Variants in CCDC88C observed in about 807,000 individuals in gnomAD.
CCDC88C encodes the protein coiled-coil and HOOK domain protein 88C.
CCDC88C carries 131 observed loss-of-function variants against 198.8 expected under a neutral mutation model. That is an observed-to-expected ratio of 0.66 (90% CI 0.57 to 0.76). The LOEUF is 0.76. Ranked by LOEUF, CCDC88C falls within the 30% of genes least tolerant of loss-of-function variation. The pLI is 0.00. For synonymous variants in CCDC88C, 1,166 were observed against 1,114.7 expected (o/e 1.05, Z -0.92); for missense variants, 2,553 against 2,631.6 (o/e 0.97, Z 0.65).
chr14:91,391,313 T>TA (rs1004898811), intron 3 of CCDC88C, among the ~76,000 whole-genome samples: 1 of 151,604 alleles, frequency 6.6e-6, no homozygotes, highest in East Asian at 1.9e-4. Flanking sequence ...ATGCATAACC[T>TA]AAAAAAAAGC....
intron 3 of CCDC88C, among the ~76,000 whole-genome samples, chr14:91,386,135 T>C (rs1056362474): frequency 6.6e-6 from 1 of 151,866 alleles, no homozygotes; most frequent in Non-Finnish European, 1.5e-5. Flanking sequence ...CTTTCTATGA[T>C]GAGCCAACAA....
chr14:91,318,157 C>T (rs957779526), intron 13 of CCDC88C, among the ~76,000 whole-genome samples: 3 of 152,184 alleles, frequency 2.0e-5, no homozygotes, highest in African/African-American at 4.8e-5. Flanking sequence ...CAGTGGCTCA[C>T]ACCTGTGCTC....
At position 91,279,282 on chromosome 14, in the gene CCDC88C, C is replaced by T. The variant is rs1352972452; in HGVS notation, c.4724G>A (p.Ser1575Asn). ...GCTGTTGCTGGATGTGTTTCTACTG[C>T]TCTCTAAGCTACTTGGCCGCGACAC... Reference protein sequence around the residue: ...QYVSRPSSLESSRNTSSNSSP... With the variant: ...QYVSRPSSLENSRNTSSNSSP... Residue 1575 changes from serine to asparagine, a missense_variant, in exon 28 of 30, where the codon AGC becomes AAC. By Grantham distance (46) the Ser-to-Asn change is conservative (BLOSUM62 1). This residue lies in a region of CCDC88C where 1,293 missense variants were observed against 1,219.6 expected (regional missense o/e 1.06). Transcript: ENST00000389857. 2 of 1,602,692 alleles carry T rather than the reference C, an allele frequency of 1.2e-6. No homozygotes were observed. Among genetic ancestry groups the T allele is most frequent in the Non-Finnish European group, 1.7e-6 (2 of 1,173,800 alleles).
intron 23 of CCDC88C, 105 bp downstream of exon 23, chr14:91,294,068 C>A: frequency 2.2e-6 from 3 of 1,338,390 alleles, no homozygotes; most frequent in East Asian, 2.3e-5. Context: ...AGGATCCCAA[C>A]GGGCCCAGGG....
chr14:91,329,220 C>A (rs1255234351), intron 10 of CCDC88C, among the ~76,000 whole-genome samples: 1 of 152,240 alleles, frequency 6.6e-6, no homozygotes, highest in Admixed American at 6.5e-5. Flanking sequence ...AACCTTAAAC[C>A]AAACGGCAGG....
intron 13 of CCDC88C, 28 bp downstream of exon 13, chr14:91,321,092 C>A (rs1178355485): frequency 6.3e-7 from 1 of 1,580,488 alleles, no homozygotes; most frequent in Middle Eastern, 2.3e-4. Flanking sequence ...TTCTGTGCTT[C>A]CCCGGTGGCC....
intron 3 of CCDC88C, chr14:91,408,210 TA>T (rs1246817665): frequency 1.2e-5 from 2 of 168,032 alleles, no homozygotes; most frequent in Non-Finnish European, 2.6e-5. Flanking sequence ...AGAGGTGGGT[TA>T]ATCACATTCT....
intron 10 of CCDC88C, among the ~76,000 whole-genome samples, chr14:91,337,636 C>T (rs971878715): frequency 6.6e-6 from 1 of 152,264 alleles, no homozygotes; most frequent in Non-Finnish European, 1.5e-5. Context: ...CCGCTGCACC[C>T]GGTTGCCCGT....
chr14:91,344,002 G>C (rs1893413527), intron 4 of CCDC88C, among the ~76,000 whole-genome samples: 1 of 151,908 alleles, frequency 6.6e-6, no homozygotes, highest in African/African-American at 2.4e-5. Context: ...TGTATTTGTT[G>C]AAGAGATGGG....
Position 91,317,421 on chromosome 14 carries a change from G to A in CCDC88C, c.1528-1634C>T, listed in dbSNP as rs981292794. ...GAGGTTGGAGAGGGAAATTCAGGATGAGCTGAGCTGGCTGAGGGTTGCCAG... is the reference window on the plus strand; with the variant it reads ...GAGGTTGGAGAGGGAAATTCAGGATAAGCTGAGCTGGCTGAGGGTTGCCAG... On this transcript the variant is annotated intron_variant, in intron 13 of 29. Coordinates refer to ENST00000389857, the MANE Select transcript of CCDC88C (RefSeq NM_001080414.4). 2.0e-5 allele frequency among the ~76,000 whole-genome samples: 3 copies of A among 152,348 alleles called. No homozygotes were observed. The South Asian group carries it at 6.2e-4, about 32-fold the overall frequency.
In CCDC88C at chr14:91,272,949, G is replaced by A; in HGVS notation, c.5763C>T (p.Gly1921=). Residue 1921 remains glycine, a synonymous_variant, in exon 30 of 30, where the codon GGC becomes GGT. Transcript: ENST00000389857. ...AGAAGTGCAGGAGCTGGGAGTTGCT[G>A]CCACTGCCAGCAGCAGCAGCACCAG... ...AGAGAAAAGS[G]SNSQLLHFSP... 6.4e-7 allele frequency: 1 copy of A among 1,560,020 alleles called. No homozygotes were observed. Among genetic ancestry groups the A allele is most frequent in the Non-Finnish European group, 8.6e-7 (1 of 1,157,858 alleles).
intron 4 of CCDC88C, among the ~76,000 whole-genome samples, chr14:91,348,283 G>A (rs563355133): frequency 1.7e-3 from 251 of 150,204 alleles, no homozygotes; most frequent in African/African-American, 5.6e-3. Context: ...TGGGATTACA[G>A]GTGTGAGCCA....
chr14:91,309,738 G>A (rs1891732121), intron 16 of CCDC88C, 121 bp downstream of exon 16: 13 of 1,019,554 alleles, frequency 1.3e-5, no homozygotes, highest in Admixed American at 3.1e-5. Context: ...AAGGAACCGC[G>A]TGAGGTCACA....
intron 3 of CCDC88C, among the ~76,000 whole-genome samples, chr14:91,382,794 G>A (rs562449386): frequency 3.0e-4 from 45 of 152,268 alleles, no homozygotes; most frequent in Non-Finnish European, 5.1e-4. Context: ...CTACGCACCC[G>A]CTTTAAAATT....
intron 3 of CCDC88C, among the ~76,000 whole-genome samples, chr14:91,387,204 T>C (rs752615359): frequency 1.3e-5 from 2 of 152,146 alleles, no homozygotes; most frequent in Non-Finnish European, 2.9e-5. Context: ...CACACAATGT[T>C]TACGCAAAGA....
rs772534225 is a variant in CCDC88C, at chr14:91,339,484, G to A, written c.625-22C>T. On this transcript the variant is annotated intron_variant, in intron 7 of 29. Transcript: ENST00000389857. The surrounding 1 kb of genome is among the most constrained non-coding windows in gnomAD (Gnocchi z 5.8). ...TCAGCTGCAGCCGGGCAGAGAGGGG[G>A]ATGGAGGAGAACAAACGGGGTTAAC... The A allele has an allele frequency of 6.3e-7, 1 of 1,592,594 alleles. No individual in the cohort carries two copies. The highest frequency in any genetic ancestry group is 8.6e-7 in the Non-Finnish European group (1 of 1,165,636).
chr14:91,369,209 C>T (rs936176427), intron 3 of CCDC88C, among the ~76,000 whole-genome samples: 12 of 152,294 alleles, frequency 7.9e-5, no homozygotes, highest in Admixed American at 6.5e-4. Flanking sequence ...TAACGACTCA[C>T]GACACAGCCT....
Position 91,294,948 on chromosome 14 carries a change from G to A in CCDC88C, c.3967-630C>T, listed in dbSNP as rs531122479. Among the ~76,000 whole-genome samples, 5 of 152,304 alleles carry A rather than the reference G, an allele frequency of 3.3e-5. No individual in the cohort carries two copies. The South Asian group carries it at 6.2e-4, about 19-fold the overall frequency. The stretch of plus-strand genomic sequence containing the variant: ...GCTGGGATTACAGGCGTGAACCACC[G>A]CGCCTGGCCTGAAGTCTGCCAACTT... On this transcript the variant is annotated intron_variant, in intron 22 of 29. Transcript: ENST00000389857.
At chr14:91,319,948 C>A (rs945171306) in intron 13 of CCDC88C, among the ~76,000 whole-genome samples, 1 of 142,468 alleles carries the variant, frequency 7.0e-6, no homozygotes, top group Non-Finnish European at 1.5e-5. Flanking sequence ...TCACTTGAAC[C>A]TGGGAGGTGG....
Sources: gnomAD v4.1 joint callset for allele counts (sites outside exome capture counted in the v4.1 genomes callset) on GRCh38, gnomAD v4.1.1 for gene constraint, gnomAD v4.1.1 regional missense constraint, Gnocchi (gnomAD v3.1) non-coding constraint, MANE v1.5 for transcripts, NCBI Gene and HGNC (gene_info 2026-07-23, HGNC 2026-07-21) for gene names.